NRXN3: variants seen among roughly 807,000 people sequenced by gnomAD.
NRXN3 encodes neurexin III.
In NRXN3, 32 loss-of-function variants were observed where a neutral mutation model predicts 137.6. The observed-to-expected ratio is 0.23, with a 90% CI of 0.18 to 0.31. NRXN3 has a LOEUF of 0.31. Ranked by LOEUF, NRXN3 falls within the 10% of genes least tolerant of loss-of-function variation. The pLI, the probability that NRXN3 is intolerant of heterozygous loss-of-function variation, is 1.00. For synonymous variants in NRXN3, 798 were observed against 784.5 expected, an observed-to-expected ratio of 1.02 and a Z score of -0.29; for missense variants, 1,574 against 2,062.5, an observed-to-expected ratio of 0.76 and a Z score of 4.59.
At chr14:78,660,170 A>G (rs2097825659) in intron 6 of NRXN3, among the ~76,000 whole-genome samples, 1 of 151,862 alleles carries the variant, frequency 6.6e-6, no homozygotes, top group Non-Finnish European at 1.5e-5. Context: ...GACAGAGAGT[A>G]GTTCTTCAGT....
At chr14:79,261,772 T>A (rs1253644272) in intron 15 of NRXN3, among the ~76,000 whole-genome samples, 2 of 152,112 alleles carry the variant, frequency 1.3e-5, no homozygotes, top group Non-Finnish European at 2.9e-5. Flanking sequence ...CTAATGAGAC[T>A]GCAATCCTGC....
intron 4 of NRXN3, among the ~76,000 whole-genome samples, chr14:78,409,569 C>T (rs1299361614): frequency 6.6e-6 from 1 of 152,190 alleles, no homozygotes; most frequent in African/African-American, 2.4e-5. Flanking sequence ...AATCCCTAAC[C>T]TCTTGATATG....
intron 19 of NRXN3, chr14:79,791,221 T>C (rs1327762603): frequency 1.3e-5 from 2 of 152,026 alleles, no homozygotes; most frequent in Admixed American, 6.6e-5. Context: ...GACTAATGAG[T>C]GCCAAAGGAG....
intron 8 of NRXN3, among the ~76,000 whole-genome samples, chr14:78,779,557 T>G (rs1595787539): frequency 6.6e-6 from 1 of 152,150 alleles, no homozygotes; most frequent in Admixed American, 6.5e-5. Flanking sequence ...AGTACTTTTA[T>G]TTGCAGAAAG....
chr14:79,409,662 G>A (rs1387914272), intron 15 of NRXN3, among the ~76,000 whole-genome samples: 1 of 138,964 alleles, frequency 7.2e-6, no homozygotes, highest in Non-Finnish European at 1.6e-5. Flanking sequence ...ATTTTACCTA[G>A]AGTAAAAAAA....
At chr14:79,234,514 A>G (rs1344438872) in intron 15 of NRXN3, among the ~76,000 whole-genome samples, 2 of 150,148 alleles carry the variant, frequency 1.3e-5, no homozygotes, top group Non-Finnish European at 3.0e-5. Flanking sequence ...CCTCCCGAGT[A>G]TCTGGGATTA....
intron 20 of NRXN3, among the ~76,000 whole-genome samples, chr14:79,821,668 CTTTTTT>C (rs5809961): frequency 8.2e-6 from 1 of 121,466 alleles, no homozygotes; most frequent in South Asian, 2.9e-4. Flanking sequence ...AAGCTAAGAC[CTTTTTT>C]TTTTTTTTTT....
At chr14:79,434,573 G>A (rs904268605) in intron 15 of NRXN3, among the ~76,000 whole-genome samples, 3 of 152,178 alleles carry the variant, frequency 2.0e-5, no homozygotes, top group African/African-American at 4.8e-5. Flanking sequence ...GTACGATGGC[G>A]TATTCTCTTC....
rs1210825503 is a variant in NRXN3, at chr14:79,715,776, G to A, written c.4014+17839G>A. 2.0e-5 allele frequency among the ~76,000 whole-genome samples: 3 copies of A among 152,212 alleles called. No homozygotes were observed. In the East Asian group the frequency reaches 5.8e-4, roughly 29 times the overall value. On this transcript the variant is annotated intron_variant, in intron 19 of 20. Transcript: ENST00000335750. ...GCAGAAAAGGACCTGAGGTAGTGTT[G>A]TCATCTGGGGAAGCTTTCTTGTAGA...
intron 1 of NRXN3, among the ~76,000 whole-genome samples, chr14:78,195,365 G>A (rs2061133905): frequency 6.6e-6 from 1 of 152,132 alleles, no homozygotes; most frequent in African/African-American, 2.4e-5. Flanking sequence ...TTTGTTGAGT[G>A]CCTAAGATGT....
chr14:79,651,799 A>G (rs2098477368), intron 16 of NRXN3, among the ~76,000 whole-genome samples: 1 of 152,188 alleles, frequency 6.6e-6, no homozygotes, highest in Admixed American at 6.5e-5. Context: ...GGGCTAGGCC[A>G]GAGCTAGAAG....
At chr14:78,389,137 A>G (rs1382112810) in intron 4 of NRXN3, among the ~76,000 whole-genome samples, 1 of 151,246 alleles carries the variant, frequency 6.6e-6, no homozygotes, top group Non-Finnish European at 1.5e-5. Flanking sequence ...CTCACTGCAA[A>G]CTTTGCCTCC....
intron 4 of NRXN3, among the ~76,000 whole-genome samples, chr14:78,330,385 C>G (rs1244225718): frequency 1.3e-5 from 2 of 152,022 alleles, no homozygotes; most frequent in African/African-American, 2.4e-5. Context: ...TCCTCCAGAA[C>G]ACTAAGAAAA....
Position 79,839,187 on chromosome 14 carries a change from TCTC to T in NRXN3, c.4094-22152_4094-22150del, listed in dbSNP as rs778623144. Among the ~76,000 whole-genome samples the T allele has an allele frequency of 5.9e-5, 9 of 151,640 alleles. 1 individual carries two copies. Among genetic ancestry groups the T allele is most frequent in the Admixed American group, 3.9e-4 (6 of 15,202 alleles). The stretch of plus-strand genomic sequence containing the variant: ...GCCCCTTCTGCTTGGTTGCTATGAA[TCTC>T]CTGTTTAAAAAGAAAACAAAAACAC... On this transcript the variant is annotated intron_variant, in intron 20 of 20. Transcript: ENST00000335750.
Position 78,242,939 on chromosome 14 carries a change from A to G in NRXN3, c.-155A>G. The G allele has an allele frequency of 3.4e-6, 2 of 594,626 alleles. No individual in the cohort carries two copies. The highest frequency in any genetic ancestry group is 5.9e-6 in the Non-Finnish European group (2 of 339,148). 36.8% of individuals were successfully genotyped at this position (594,626 alleles called of 1,614,324 possible). A position where few individuals can be genotyped will look rare whatever the true frequency, so the allele number is the denominator to read the frequency against. ...TTGTACACTTTCCTCCATCTCCACTATCTCAGGATCTGTGTGTGTGCTGCC... is the reference window on the plus strand; with the variant it reads ...TTGTACACTTTCCTCCATCTCCACTGTCTCAGGATCTGTGTGTGTGCTGCC... On this transcript the variant is annotated 5_prime_UTR_variant, in exon 2 of 21. Transcript: ENST00000335750.
intron 15 of NRXN3, among the ~76,000 whole-genome samples, chr14:79,178,068 C>T (rs1473436530): frequency 2.6e-5 from 4 of 152,166 alleles, no homozygotes; most frequent in African/African-American, 4.8e-5. Context: ...CATTGGTATC[C>T]TCAACCTGTG....
At chr14:78,614,617 C>T (rs1321195015) in intron 4 of NRXN3, among the ~76,000 whole-genome samples, 6 of 151,674 alleles carry the variant, frequency 4.0e-5, no homozygotes, top group African/African-American at 1.5e-4. Flanking sequence ...CCTCCATGGA[C>T]TTCACATTTC....
chr14:79,257,472 ATGGTGGTGATGGTG>A (rs2076852119), intron 15 of NRXN3, among the ~76,000 whole-genome samples: 1 of 11,728 alleles, frequency 8.5e-5, no homozygotes, highest in Non-Finnish European at 1.5e-4. Context: ...GGTGGTGGTG[ATGGTGGTGATGGTG>A]GTGATGGTGG....
rs77782207 is a variant in NRXN3, at chr14:78,445,001, G to T, written c.757+147141G>T. ...ACCCAAGATATTTAATACAAGGCAGGTTGTAAGTTTAAGTGAGTATAGTTG... is the reference window on the plus strand; with the variant it reads ...ACCCAAGATATTTAATACAAGGCAGTTTGTAAGTTTAAGTGAGTATAGTTG... On this transcript the variant is annotated intron_variant, in intron 4 of 20. Transcript: ENST00000335750. Among the ~76,000 whole-genome samples the T allele has an allele frequency of 9.3e-4, 141 of 150,926 alleles. No homozygotes were observed. The East Asian group carries it at 0.024, about 25-fold the overall frequency.
Sources: gnomAD v4.1 joint callset for allele counts (sites outside exome capture counted in the v4.1 genomes callset) on GRCh38, gnomAD v4.1.1 for gene constraint, MANE v1.5 for transcripts, NCBI Gene and HGNC (gene_info 2026-07-23, HGNC 2026-07-21) for gene names.